The following RNF168 variants were observed in gnomAD, a reference collection of about 807,000 sequenced individuals.
RNF168 encodes the protein E3 ubiquitin-protein ligase RNF168.
A neutral mutation model predicts 34.9 loss-of-function variants in RNF168; 34 were observed. The ratio of observed to expected loss-of-function variants is 0.97; its 90% CI spans 0.74 to 1.30. The LOEUF is 1.30. Ranked by LOEUF, RNF168 falls within the 50% of genes most tolerant of loss-of-function variation. The pLI, the probability that RNF168 is intolerant of heterozygous loss-of-function variation, is 0.00. For missense variants in RNF168, 725 were observed against 682.5 expected (o/e 1.06, Z -0.69); for synonymous variants, 264 against 254.7 (o/e 1.04, Z -0.35).
At chr3:196,479,034 G>A (rs375222055) in intron 4 of RNF168, among the ~76,000 whole-genome samples, 3 of 131,572 alleles carry the variant, frequency 2.3e-5, no homozygotes, top group African/African-American at 5.7e-5. Context: ...TTTTTGAGAC[G>A]GCGTCTCACT....
At chr3:196,474,287 G>C (rs1385124416) in intron 5 of RNF168, among the ~76,000 whole-genome samples, 2 of 116,080 alleles carry the variant, frequency 1.7e-5, no homozygotes, top group African/African-American at 6.0e-5. Context: ...GCCACACCTG[G>C]CTAATTTTTT....
intron 1 of RNF168, among the ~76,000 whole-genome samples, chr3:196,494,192 A>G (rs929458347): frequency 6.6e-6 from 1 of 152,148 alleles, no homozygotes; most frequent in Non-Finnish European, 1.5e-5. Context: ...AGAAATTTGA[A>G]TATCTCAGTT....
rs950817454 is a variant in RNF168, at chr3:196,469,495, G to A, written c.*2324C>T. 6.6e-6 allele frequency: 1 copy of A among 151,988 alleles called. No individual in the cohort carries two copies. Among genetic ancestry groups the A allele is most frequent in the African/African-American group, 2.4e-5 (1 of 41,358 alleles). The allele number at this position is 151,988 out of a possible 1,614,324, so 9.4% of individuals were successfully genotyped here. ...AACTTAATGACATACAGAAATACTG[G>A]CAAATTTAAGCTAGAATTAGCTCCA... On this transcript the variant is annotated 3_prime_UTR_variant, in exon 6 of 6. Coordinates refer to ENST00000318037, the MANE Select transcript of RNF168 (RefSeq NM_152617.4).
intron 1 of RNF168, among the ~76,000 whole-genome samples, chr3:196,494,171 C>G (rs1732680813): frequency 6.6e-6 from 1 of 152,144 alleles, no homozygotes; most frequent in African/African-American, 2.4e-5. Flanking sequence ...TTAAACAACT[C>G]TAATTTTATA....
chr3:196,488,848 A>C (rs1732520886), intron 1 of RNF168, among the ~76,000 whole-genome samples, 165 bp from the exon 2 acceptor site: 1 of 151,600 alleles, frequency 6.6e-6, no homozygotes, highest in South Asian at 2.1e-4. Context: ...TTTATTTTAG[A>C]TTTATTTTAT....
In RNF168 at chr3:196,488,694, T is replaced by C. The variant is rs1478296485; in HGVS notation, c.302-11A>G. The C allele has an allele frequency of 4.5e-6, 7 of 1,569,428 alleles. No homozygotes were observed. The Admixed American group carries it at 1.2e-4, about 26-fold the overall frequency. On this transcript the variant is annotated splice_polypyrimidine_tract_variant and intron_variant, in intron 1 of 5. Coordinates refer to ENST00000318037, the MANE Select transcript of RNF168 (RefSeq NM_152617.4). ...GCTGATAGTCATCAGCTATTTCATA[T>C]CAAAAAAGAAAATAACATTATAGGC...
At chr3:196,502,093 G>T (rs1226486587) in intron 1 of RNF168, among the ~76,000 whole-genome samples, 6 of 131,316 alleles carry the variant, frequency 4.6e-5, no homozygotes, top group African/African-American at 8.7e-5. Flanking sequence ...ACCTGTCCAC[G>T]AGAGAACGGA....
In RNF168 at chr3:196,471,566, G is replaced by A; in HGVS notation, c.*253C>T. 2 of 437,566 alleles carry A rather than the reference G, an allele frequency of 4.6e-6. No homozygotes were observed. The highest frequency in any genetic ancestry group is 8.3e-6 in the Non-Finnish European group (2 of 240,336). 27.1% of individuals were successfully genotyped at this position (437,566 alleles called of 1,614,324 possible). On this transcript the variant is annotated 3_prime_UTR_variant, in exon 6 of 6. Transcript: ENST00000318037. ...TTTCCTGGAGTTGGCCAAAGCTTAA[G>A]ATATCTCTAAGAATTGTAAAGCTTA...
At chr3:196,488,124 G>A (rs531458006) in intron 2 of RNF168, among the ~76,000 whole-genome samples, 4 of 152,220 alleles carry the variant, frequency 2.6e-5, no homozygotes, top group African/African-American at 9.6e-5. Flanking sequence ...TATCACATAA[G>A]AGCATTAATT....
intron 1 of RNF168, among the ~76,000 whole-genome samples, chr3:196,489,561 G>A (rs374057463): frequency 5.3e-5 from 8 of 151,534 alleles, no homozygotes; most frequent in South Asian, 2.1e-4. Flanking sequence ...TCCTAATGTC[G>A]GGCAATCTGC....
chr3:196,487,364 A>T (rs1335703024), intron 3 of RNF168, 35 bp downstream of exon 3: 1 of 1,570,858 alleles, frequency 6.4e-7, no homozygotes, highest in Non-Finnish European at 8.8e-7. Context: ...ATACCAAGGG[A>T]TGACCATACC....
intron 1 of RNF168, 88 bp downstream of exon 1, chr3:196,502,781 GGTTT>G: frequency 1.7e-6 from 2 of 1,160,210 alleles, no homozygotes; most frequent in Non-Finnish European, 2.6e-6. Context: ...CGGGTTTTTT[GGTTT>G]GTTTTTACTT....
rs867104656 is a variant in RNF168, at chr3:196,502,941, G to C, written c.233C>G (p.Thr78Arg). 6.2e-7 allele frequency: 1 copy of C among 1,613,770 alleles called. No individual in the cohort carries two copies. Among genetic ancestry groups the C allele is most frequent in the African/African-American group, 1.3e-5 (1 of 74,878 alleles). The change falls in exon 1 of 6, where the codon ACG becomes AGG. Residue 78 changes from threonine (T) to arginine (R), a missense_variant. Transcript: ENST00000318037. Reference protein sequence around the residue: ...RNSLVNVELWTIIQKHYPREC... With the variant: ...RNSLVNVELWRIIQKHYPREC... Reference sequence around the variant, plus strand: ...CCTGGGATAGTGTTTTTGAATTATCGTCCACAGTTCCACGTTGACGAGAGA... The same window carrying C: ...CCTGGGATAGTGTTTTTGAATTATCCTCCACAGTTCCACGTTGACGAGAGA...
At chr3:196,499,751 A>G (rs945231441) in intron 1 of RNF168, among the ~76,000 whole-genome samples, 2 of 152,174 alleles carry the variant, frequency 1.3e-5, no homozygotes. Context: ...AACTCAAAAA[A>G]ACAACCTGAT....
At chr3:196,494,547 C>G (rs1320863313) in intron 1 of RNF168, among the ~76,000 whole-genome samples, 2 of 152,218 alleles carry the variant, frequency 1.3e-5, no homozygotes, top group African/African-American at 4.8e-5. Flanking sequence ...AACTAGACTG[C>G]AGCTCCATGT....
At chr3:196,488,448 C>CTG (rs1019580268) in intron 2 of RNF168, among the ~76,000 whole-genome samples, 159 bp downstream of exon 2, 2 of 150,560 alleles carry the variant, frequency 1.3e-5, no homozygotes, top group Non-Finnish European at 2.9e-5. Flanking sequence ...CGCCACTGCA[C>CTG]TCCAGCCTGG....
At chr3:196,501,630 CAGT>C (rs1732888651) in intron 1 of RNF168, among the ~76,000 whole-genome samples, 1 of 152,100 alleles carries the variant, frequency 6.6e-6, no homozygotes, top group Admixed American at 6.6e-5. Flanking sequence ...GTTCTGGAAA[CAGT>C]GGTGATGGTT....
chr3:196,472,873 A>G (rs1577507452), intron 5 of RNF168, 101 bp from the exon 6 acceptor site: 2 of 700,640 alleles, frequency 2.9e-6, no homozygotes, highest in East Asian at 2.6e-5. Context: ...GTCACTATAC[A>G]TTATTATTAC....
chr3:196,476,333 T>C (rs1732148802), intron 4 of RNF168, among the ~76,000 whole-genome samples: 1 of 152,156 alleles, frequency 6.6e-6, no homozygotes, highest in Admixed American at 6.6e-5. Flanking sequence ...TTTAAATCTC[T>C]ACTATTGGGA....
Sources: allele counts gnomAD v4.1 joint callset (sites outside exome capture counted in the v4.1 genomes callset), GRCh38; gene constraint gnomAD v4.1.1; transcripts MANE v1.5; gene names NCBI Gene and HGNC (gene_info 2026-07-23, HGNC 2026-07-21).